KDM4C: variants seen among roughly 807,000 people sequenced by gnomAD.
The protein encoded by KDM4C is lysine demethylase 4C, also known as lysine-specific demethylase 4C.
In KDM4C, 81 loss-of-function variants were observed where a neutral mutation model predicts 129.3. The observed-to-expected ratio is 0.63, with a 90% CI of 0.52 to 0.75. The LOEUF is 0.75. Ranked by LOEUF, KDM4C falls within the 30% of genes least tolerant of loss-of-function variation. KDM4C has a pLI of 0.00. For synonymous variants in KDM4C, 573 were observed against 456.1 expected, an observed-to-expected ratio of 1.26 and a Z score of -3.26; for missense variants, 1,457 against 1,304.0, an observed-to-expected ratio of 1.12 and a Z score of -1.81.
In KDM4C at chr9:6,805,659, A is replaced by T; in HGVS notation, c.205A>T (p.Ile69Phe). Residue 69 changes from isoleucine to phenylalanine, a missense_variant, in exon 3 of 22, where the codon ATT becomes TTT. By Grantham distance (21) the Ile-to-Phe change is conservative. Coordinates refer to ENST00000381309, the MANE Select transcript of KDM4C (RefSeq NM_015061.6). ...QCYDDIDNLLIPAPIQQMVTG... is the reference protein window; with the variant it reads ...QCYDDIDNLLFPAPIQQMVTG... The stretch of plus-strand genomic sequence containing the variant: ...CTATGATGACATTGATAATTTGCTC[A>T]TTCCAGCACCAATTCAGCAGATGGT... The T allele has an allele frequency of 8.1e-6, 13 of 1,614,082 alleles. No homozygotes were observed. Among genetic ancestry groups the T allele is most frequent in the Non-Finnish European group, 1.0e-5 (12 of 1,179,984 alleles).
intron 19 of KDM4C, 98 bp downstream of exon 19, chr9:7,128,334 T>C (rs1292143667): frequency 1.2e-6 from 1 of 858,098 alleles, no homozygotes; most frequent in Non-Finnish European, 1.7e-6. Context: ...GCTTTTTGAG[T>C]AGCTCATTCA....
At chr9:7,061,865 C>G (rs1419719181) in intron 17 of KDM4C, among the ~76,000 whole-genome samples, 1 of 152,236 alleles carries the variant, frequency 6.6e-6, no homozygotes, top group Non-Finnish European at 1.5e-5. Flanking sequence ...TGTTCAGCGG[C>G]TTTCAGCCAG....
intron 4 of KDM4C, among the ~76,000 whole-genome samples, chr9:6,829,755 G>A (rs574067560): frequency 6.6e-6 from 1 of 152,284 alleles, no homozygotes; most frequent in East Asian, 1.9e-4. Context: ...TGGTCAGAAG[G>A]GCATTTCCCC....
intron 8 of KDM4C, among the ~76,000 whole-genome samples, chr9:6,967,712 A>G (rs892532834): frequency 1.2e-4 from 19 of 152,196 alleles, no homozygotes; most frequent in African/African-American, 2.4e-4. Flanking sequence ...AGTTTTCTCA[A>G]TATGAGAACC....
At chr9:7,135,557 A>G (rs1841111186) in intron 19 of KDM4C, among the ~76,000 whole-genome samples, 1 of 152,124 alleles carries the variant, frequency 6.6e-6, no homozygotes, top group South Asian at 2.1e-4. Context: ...CATGAGCCAA[A>G]TCCACTCCAT....
intron 1 of KDM4C, among the ~76,000 whole-genome samples, chr9:6,770,974 C>G (rs1293024265): frequency 2.0e-5 from 3 of 151,128 alleles, no homozygotes; most frequent in Non-Finnish European, 2.9e-5. Context: ...CGGGGTTTCA[C>G]CATATTGGCC....
At position 6,779,107 on chromosome 9, in the gene KDM4C, C is replaced by CAA. The variant is rs545301927; in HGVS notation, c.-17-13864_-17-13863dup. Among the ~76,000 whole-genome samples the CAA allele has an allele frequency of 2.7e-5, 4 of 145,680 alleles. No homozygotes were observed. The East Asian group carries it at 8.4e-4, about 31-fold the overall frequency. Reference sequence around the variant, plus strand: ...GCAGTGGCGTGATCTTGGCTCACTGCAAGCTCCACCTTCCGGGTTCAAGCC... The same window carrying CAA: ...GCAGTGGCGTGATCTTGGCTCACTGCAAAAGCTCCACCTTCCGGGTTCAAGCC... On this transcript the variant is annotated intron_variant, in intron 1 of 21. Coordinates refer to ENST00000381309, the MANE Select transcript of KDM4C (RefSeq NM_015061.6).
chr9:6,914,687 T>G (rs1389439111), intron 8 of KDM4C, among the ~76,000 whole-genome samples: 1 of 152,226 alleles, frequency 6.6e-6, no homozygotes. Context: ...CATTGAGGGC[T>G]CCACGCCCAT....
In KDM4C at chr9:6,953,869, C is replaced by A. The variant is rs149147511; in HGVS notation, c.922-27056C>A. Among the ~76,000 whole-genome samples the A allele has an allele frequency of 5.5e-3, 834 of 152,236 alleles. 15 individuals are homozygous for A. The highest frequency in any genetic ancestry group is 0.02 in the African/African-American group (813 of 41,530). On this transcript the variant is annotated intron_variant, in intron 8 of 21. Coordinates refer to ENST00000381309, the MANE Select transcript of KDM4C (RefSeq NM_015061.6). ...TCATCATTACATATTCACTTCTTGA[C>A]CCTTGGAAATCTGGTTCCTCTTCCA...
At chr9:7,040,160 A>G (rs1828315348) in intron 15 of KDM4C, among the ~76,000 whole-genome samples, 1 of 152,062 alleles carries the variant, frequency 6.6e-6, no homozygotes, top group Admixed American at 6.6e-5. Context: ...AAAACAGTAT[A>G]ACTTCATTAG....
intron 8 of KDM4C, among the ~76,000 whole-genome samples, chr9:6,930,303 C>G (rs1367864814): frequency 6.6e-6 from 1 of 152,146 alleles, no homozygotes; most frequent in East Asian, 1.9e-4. Context: ...CACTATTTCA[C>G]TGACTTGTCA....
intron 17 of KDM4C, among the ~76,000 whole-genome samples, chr9:7,052,909 G>GAGAGAGAGAGAGAGAGA (rs767668455): frequency 1.0e-5 from 1 of 100,146 alleles, no homozygotes; most frequent in Non-Finnish European, 1.9e-5. Context: ...GAGCGAGCGA[G>GAGAGAGAGAGAGAGAGA]TGCCCAAGGG....
At chr9:6,954,209 A>G (rs955990460) in intron 8 of KDM4C, among the ~76,000 whole-genome samples, 1 of 152,126 alleles carries the variant, frequency 6.6e-6, no homozygotes, top group African/African-American at 2.4e-5. Flanking sequence ...GTCTAGTTCA[A>G]ACAGCAGGGC....
intron 8 of KDM4C, among the ~76,000 whole-genome samples, chr9:6,957,293 T>C (rs1829232776): frequency 6.6e-6 from 1 of 152,196 alleles, no homozygotes; most frequent in African/African-American, 2.4e-5. Flanking sequence ...TTTTCTATGT[T>C]TCATTATAAA....
chr9:6,856,215 T>C (rs2130311333), intron 5 of KDM4C, among the ~76,000 whole-genome samples: 1 of 152,236 alleles, frequency 6.6e-6, no homozygotes, highest in East Asian at 1.9e-4. Context: ...GGCAGCTTGA[T>C]AGTATTTAGT....
At chr9:7,038,817 T>A (rs1430836540) in intron 15 of KDM4C, among the ~76,000 whole-genome samples, 1 of 152,046 alleles carries the variant, frequency 6.6e-6, no homozygotes, top group East Asian at 1.9e-4. Context: ...AAATGTAAGG[T>A]TAGATCTCAT....
At chr9:6,927,133 ATCT>A (rs1471347582) in intron 8 of KDM4C, among the ~76,000 whole-genome samples, 1 of 150,496 alleles carries the variant, frequency 6.6e-6, no homozygotes, top group Non-Finnish European at 1.5e-5. Flanking sequence ...CTATCTATCT[ATCT>A]ATCTGTTTTT....
chr9:6,848,638 C>T (rs1290527075), intron 4 of KDM4C, among the ~76,000 whole-genome samples: 3 of 151,940 alleles, frequency 2.0e-5, no homozygotes, highest in African/African-American at 7.3e-5. Flanking sequence ...CACTGCACTC[C>T]AGCCTGGGCG....
intron 17 of KDM4C, among the ~76,000 whole-genome samples, chr9:7,084,281 G>C (rs1041324103): frequency 1.3e-5 from 2 of 152,140 alleles, no homozygotes; most frequent in Non-Finnish European, 2.9e-5. Context: ...AGTTCATATA[G>C]GGGCTGCTCT....
Sources: gnomAD v4.1 joint callset for allele counts (sites outside exome capture counted in the v4.1 genomes callset) on GRCh38, gnomAD v4.1.1 for gene constraint, MANE v1.5 for transcripts, NCBI Gene and HGNC (gene_info 2026-07-23, HGNC 2026-07-21) for gene names.